Variants in CDH4 observed in about 807,000 individuals in gnomAD.
CDH4 encodes cadherin 4, also known as cadherin-4.
A neutral mutation model predicts 86.0 loss-of-function variants in CDH4; 33 were observed. The observed-to-expected ratio is 0.38, with a 90% CI of 0.29 to 0.51. The LOEUF is 0.51. Ranked by LOEUF, CDH4 falls within the 20% of genes least tolerant of loss-of-function variation. CDH4 has a pLI of 0.86. For synonymous variants in CDH4, 555 were observed against 549.4 expected (o/e 1.01, Z -0.14); for missense variants, 1,114 against 1,307.4 (o/e 0.85, Z 2.28).
intron 2 of CDH4, chr20:61,570,612 G>A (rs2086334638): frequency 1.6e-5 from 11 of 701,914 alleles, no homozygotes; most frequent in Non-Finnish European, 2.3e-5. Flanking sequence ...GGGTCCTGGT[G>A]TGTTTGGGAA....
Position 61,264,068 on chromosome 20 carries a change from G to A in CDH4, c.169+9131G>A, listed in dbSNP as rs115364703. Among the ~76,000 whole-genome samples the A allele has an allele frequency of 3.9e-3, 596 of 152,250 alleles. 3 individuals are homozygous for A. Among genetic ancestry groups the A allele is most frequent in the African/African-American group, 0.014 (572 of 41,528 alleles). On this transcript the variant is annotated intron_variant, in intron 2 of 15. Transcript: ENST00000614565. ...ACCTCTGCCAAGTCCCCACTACCAC[G>A]TGAGATCCCAGGCTCACAGCCTCCG...
chr20:61,602,728 A>C (rs1600798513), intron 2 of CDH4, among the ~76,000 whole-genome samples: 2 of 138,466 alleles, frequency 1.4e-5, no homozygotes, highest in Admixed American at 7.4e-5. Flanking sequence ...AAACTTGAGC[A>C]CCTCCTGTCT....
At chr20:61,348,319 T>G (rs1185939157) in intron 2 of CDH4, among the ~76,000 whole-genome samples, 1 of 152,198 alleles carries the variant, frequency 6.6e-6, no homozygotes, top group East Asian at 1.9e-4. Context: ...ATGAGACTTA[T>G]TCGCTATCAC....
chr20:61,565,239 G>C (rs1179252579), intron 2 of CDH4, among the ~76,000 whole-genome samples: 1 of 61,454 alleles, frequency 1.6e-5, no homozygotes. Flanking sequence ...GGTGGTGGTG[G>C]TGGCGGTGCT....
At chr20:61,854,227 C>A (rs1056851101) in intron 6 of CDH4, among the ~76,000 whole-genome samples, 7 of 152,156 alleles carry the variant, frequency 4.6e-5, no homozygotes, top group South Asian at 2.1e-4. Context: ...GGGCACCACA[C>A]GCCCCTGCAG....
rs557101778 is a variant in CDH4, at chr20:61,423,154, G to A, written c.169+168217G>A. Among the ~76,000 whole-genome samples the A allele has an allele frequency of 9.9e-5, 15 of 152,244 alleles. No homozygotes were observed. The South Asian group carries it at 3.1e-3, about 32-fold the overall frequency. The stretch of plus-strand genomic sequence containing the variant: ...GAGGGATGCTGGAAGCACAATGGGG[G>A]AAGCAAGGACCCCCAGACCCACGAG... On this transcript the variant is annotated intron_variant, in intron 2 of 15. Coordinates refer to ENST00000614565, the MANE Select transcript of CDH4 (RefSeq NM_001794.5).
chr20:61,742,708 G>A (rs1418364260), intron 2 of CDH4, among the ~76,000 whole-genome samples: 4 of 152,164 alleles, frequency 2.6e-5, no homozygotes, highest in East Asian at 1.9e-4. Flanking sequence ...AAAAGCACAC[G>A]TCTAAAAAAT....
intron 2 of CDH4, among the ~76,000 whole-genome samples, chr20:61,732,712 CG>C (rs2088207916): frequency 6.6e-6 from 1 of 152,228 alleles, no homozygotes; most frequent in Non-Finnish European, 1.5e-5. Context: ...GACAGCTTCC[CG>C]GGGGAGGACC....
intron 4 of CDH4, among the ~76,000 whole-genome samples, chr20:61,831,293 T>A (rs1004442084): frequency 6.6e-6 from 1 of 152,232 alleles, no homozygotes; most frequent in African/African-American, 2.4e-5. Flanking sequence ...GTCCTCGTGG[T>A]GACCAGCAAA....
At position 61,277,820 on chromosome 20, in the gene CDH4, C is replaced by T. The variant is rs925344295; in HGVS notation, c.169+22883C>T. Among the ~76,000 whole-genome samples, 8 of 152,186 alleles carry T rather than the reference C, an allele frequency of 5.3e-5. No individual in the cohort carries two copies. In the East Asian group the frequency reaches 9.6e-4, roughly 18 times the overall value. ...CTGTGTCGGGAGTTTCAGCACTGGA[C>T]GGCCTCCGCTTTCCTGTGCTTTCTG... On this transcript the variant is annotated intron_variant, in intron 2 of 15. Coordinates refer to ENST00000614565, the MANE Select transcript of CDH4 (RefSeq NM_001794.5).
At chr20:61,426,186 T>C (rs995347621) in intron 2 of CDH4, among the ~76,000 whole-genome samples, 2 of 152,258 alleles carry the variant, frequency 1.3e-5, no homozygotes, top group African/African-American at 4.8e-5. Flanking sequence ...CTAGTTGTTT[T>C]GTTTCTTTTT....
rs2084477788 is a variant in CDH4 at position 61,316,695 on chromosome 20, C to A, written c.169+61758C>A. ...TTGGTTAATTGGTAGTGAAGAAATG[C>A]TGGCCATGTGAAAAAGGATGAAAGT... On this transcript the variant is annotated intron_variant, in intron 2 of 15. Coordinates refer to ENST00000614565, the MANE Select transcript of CDH4 (RefSeq NM_001794.5). Among the ~76,000 whole-genome samples, 4 of 152,342 alleles carry A rather than the reference C, an allele frequency of 2.6e-5. No homozygotes were observed. The South Asian group carries it at 6.2e-4, about 24-fold the overall frequency.
chr20:61,835,234 AT>A (rs1368539251), intron 4 of CDH4, among the ~76,000 whole-genome samples: 3 of 149,468 alleles, frequency 2.0e-5, no homozygotes, highest in Non-Finnish European at 4.5e-5. Context: ...GTTGTTTTTT[AT>A]TTGTTTTTTA....
chr20:61,481,052 C>T (rs1351749604), intron 2 of CDH4, among the ~76,000 whole-genome samples: 1 of 152,202 alleles, frequency 6.6e-6, no homozygotes, highest in East Asian at 1.9e-4. Flanking sequence ...CGGTTAAGAA[C>T]TTTGCCAAAG....
intron 2 of CDH4, among the ~76,000 whole-genome samples, chr20:61,741,465 G>A (rs758943046): frequency 6.6e-6 from 1 of 151,708 alleles, no homozygotes; most frequent in Non-Finnish European, 1.5e-5. Context: ...TTCAATGCTT[G>A]CCTAAGATGT....
chr20:61,769,586 A>T (rs2088749871), intron 3 of CDH4, among the ~76,000 whole-genome samples: 1 of 151,936 alleles, frequency 6.6e-6, no homozygotes, highest in Non-Finnish European at 1.5e-5. Flanking sequence ...TTGGGGTCAC[A>T]CTCCTGGCGT....
At chr20:61,342,666 T>C (rs1044244440) in intron 2 of CDH4, among the ~76,000 whole-genome samples, 10 of 152,212 alleles carry the variant, frequency 6.6e-5, no homozygotes, top group East Asian at 5.8e-4. Flanking sequence ...GTCCCGGGGG[T>C]TGGGGACCCC....
intron 11 of CDH4, among the ~76,000 whole-genome samples, chr20:61,927,430 C>T (rs911076068): frequency 2.6e-5 from 4 of 152,310 alleles, no homozygotes; most frequent in South Asian, 2.1e-4. Context: ...CAGAGGTCAT[C>T]GGGTCCTCCA....
chr20:61,573,325 A>G (rs756155552), intron 2 of CDH4, among the ~76,000 whole-genome samples: 2 of 152,226 alleles, frequency 1.3e-5, no homozygotes, highest in Non-Finnish European at 2.9e-5. Context: ...GGCCTGGTGG[A>G]TGCCCATGGC....
Sources: gnomAD v4.1 joint callset for allele counts (sites outside exome capture counted in the v4.1 genomes callset) on GRCh38, gnomAD v4.1.1 for gene constraint, MANE v1.5 for transcripts, NCBI Gene and HGNC (gene_info 2026-07-23, HGNC 2026-07-21) for gene names.